ZNF609: variants seen among roughly 807,000 people sequenced by gnomAD.
ZNF609 encodes the protein zinc finger protein 609.
In ZNF609, 11 loss-of-function variants were observed where a neutral mutation model predicts 109.5. That is an observed-to-expected ratio of 0.10 (90% CI 0.06 to 0.17). The LOEUF (loss-of-function observed/expected upper bound fraction) is 0.17, where lower values mean the gene tolerates loss of function less well. ZNF609 is among the 10% of genes least tolerant of loss of function. ZNF609 has a pLI of 1.00. For missense variants in ZNF609, 1,559 were observed against 1,772.4 expected (o/e 0.88, Z 2.16); for synonymous variants, 646 against 662.0 (o/e 0.98, Z 0.37).
intron 3 of ZNF609, among the ~76,000 whole-genome samples, chr15:64,652,487 G>T (rs1259463832): frequency 6.6e-6 from 1 of 150,708 alleles, no homozygotes; most frequent in Admixed American, 6.7e-5. Flanking sequence ...CCCAGGCTCA[G>T]CCATTCTCCC....
chr15:64,497,051 G>C (rs1893491824), intron 1 of ZNF609, among the ~76,000 whole-genome samples: 2 of 152,212 alleles, frequency 1.3e-5, no homozygotes, highest in Non-Finnish European at 2.9e-5. Context: ...CTGGGCTCAA[G>C]TGATTCTCCC....
At chr15:64,504,269 A>C (rs975955315) in intron 2 of ZNF609, among the ~76,000 whole-genome samples, 1 of 152,200 alleles carries the variant, frequency 6.6e-6, no homozygotes, top group Non-Finnish European at 1.5e-5. Context: ...CCAGAGAAAG[A>C]TTATCTTGTC....
intron 1 of ZNF609, among the ~76,000 whole-genome samples, chr15:64,468,788 T>G (rs1052440361): frequency 6.6e-6 from 1 of 152,168 alleles, no homozygotes; most frequent in Non-Finnish European, 1.5e-5. Flanking sequence ...TTCTGATCAT[T>G]ACTGTGCCTC....
intron 2 of ZNF609, among the ~76,000 whole-genome samples, chr15:64,608,803 A>G (rs1439593611): frequency 6.6e-6 from 1 of 151,830 alleles, no homozygotes; most frequent in Non-Finnish European, 1.5e-5. Context: ...CAGTGGCATG[A>G]TCATGGCTTA....
chr15:64,673,934 C>A lies in ZNF609; in HGVS notation c.1080C>A (p.Thr360=), dbSNP rs1032128516. The A allele has an allele frequency of 6.2e-7, 1 of 1,612,124 alleles. No homozygotes were observed. Among genetic ancestry groups the A allele is most frequent in the Non-Finnish European group, 8.5e-7 (1 of 1,178,378 alleles). Residue 360 remains threonine (T), a synonymous_variant, in exon 5 of 10, where the codon ACC becomes ACA. Transcript: ENST00000326648. ...WAPPRFCDSP[T]SDLEMRNGRG... ...TGCCAAGGTTCTGTGACTCCCCGAC[C>A]AGTGACCTGGAAATGCGCAATGGCC...
chr15:64,541,203 G>A (rs1393765644), intron 2 of ZNF609, among the ~76,000 whole-genome samples: 4 of 150,318 alleles, frequency 2.7e-5, no homozygotes, highest in East Asian at 4.0e-4. Context: ...TGAGGCCGGC[G>A]GATCACGAGG....
intron 2 of ZNF609, among the ~76,000 whole-genome samples, chr15:64,573,836 C>T (rs1222124557): frequency 6.6e-6 from 1 of 152,060 alleles, no homozygotes; most frequent in Non-Finnish European, 1.5e-5. Context: ...TTTTTCCTTG[C>T]AACCCCAAAT....
At chr15:64,658,528 A>G (rs1311895947) in intron 3 of ZNF609, among the ~76,000 whole-genome samples, 3 of 152,012 alleles carry the variant, frequency 2.0e-5, no homozygotes, top group Admixed American at 1.3e-4. Flanking sequence ...GCCACATACC[A>G]TGGCTCACAC....
chr15:64,631,201 G>GCTT, intron 3 of ZNF609: 2 of 623,330 alleles, frequency 3.2e-6, no homozygotes, highest in Non-Finnish European at 6.1e-6. Flanking sequence ...AGAGGCTGCT[G>GCTT]CTTCAGGTGA....
intron 2 of ZNF609, among the ~76,000 whole-genome samples, chr15:64,596,339 A>C (rs1163375650): frequency 3.3e-5 from 5 of 152,110 alleles, no homozygotes; most frequent in Non-Finnish European, 5.9e-5. Flanking sequence ...TATTTTTAGC[A>C]GAGATGGGGT....
chr15:64,523,329 G>A (rs1893920568), intron 2 of ZNF609, among the ~76,000 whole-genome samples: 1 of 152,150 alleles, frequency 6.6e-6, no homozygotes, highest in Non-Finnish European at 1.5e-5. Flanking sequence ...TCCAATTAAA[G>A]TAATTATGCT....
chr15:64,644,702 T>C (rs1390035717), intron 3 of ZNF609, among the ~76,000 whole-genome samples: 1 of 152,184 alleles, frequency 6.6e-6, no homozygotes, highest in African/African-American at 2.4e-5. Context: ...CCAAAGTGGA[T>C]ACTATCCAAG....
chr15:64,654,988 C>G (rs542389955), intron 3 of ZNF609, among the ~76,000 whole-genome samples: 4 of 151,272 alleles, frequency 2.6e-5, no homozygotes, highest in Non-Finnish European at 5.9e-5. Context: ...CCCAGCTACT[C>G]GGGAGGTTGA....
intron 2 of ZNF609, among the ~76,000 whole-genome samples, chr15:64,508,478 C>T (rs1893667166): frequency 6.6e-6 from 1 of 152,006 alleles, no homozygotes; most frequent in Admixed American, 6.6e-5. Flanking sequence ...TGTTTTAAAC[C>T]CTAAGTGTCT....
intron 2 of ZNF609, among the ~76,000 whole-genome samples, chr15:64,539,720 T>G (rs1043993493): frequency 6.6e-6 from 1 of 151,934 alleles, no homozygotes; most frequent in Non-Finnish European, 1.5e-5. Context: ...TCCAGGCTGG[T>G]CTCGAACTCC....
Position 64,589,975 on chromosome 15 carries a change from A to C in ZNF609, c.748-32852A>C, listed in dbSNP as rs763610747. Among the ~76,000 whole-genome samples the C allele has an allele frequency of 4.2e-4, 64 of 152,222 alleles. 1 individual carries two copies. Among genetic ancestry groups the C allele is most frequent in the Admixed American group, 7.9e-4 (12 of 15,272 alleles). ...AAAATTAGATGTGGTATGGTTGATC[A>C]TACTTGTTGTGATTAAAGCTAAAAC... On this transcript the variant is annotated intron_variant, in intron 2 of 9. Transcript: ENST00000326648.
In ZNF609 at chr15:64,619,119, G is replaced by A. The variant is rs183471549; in HGVS notation, c.748-3708G>A. 3.3e-5 allele frequency among the ~76,000 whole-genome samples: 5 copies of A among 152,278 alleles called. No homozygotes were observed. In the East Asian group the frequency reaches 9.6e-4, roughly 29 times the overall value. ...CTCAGCGTCCCAAGTAGCTAGGACT[G>A]CAGGTGTGTGCCAACACACCCAGCT... is the stretch of plus-strand genomic sequence containing the variant. On this transcript the variant is annotated intron_variant, in intron 2 of 9. Transcript: ENST00000326648.
At chr15:64,670,526 C>G in intron 4 of ZNF609, 93 bp downstream of exon 4, 3 of 1,057,686 alleles carry the variant, frequency 2.8e-6, no homozygotes, top group South Asian at 1.3e-5. Context: ...GTACATCCAG[C>G]TTTTAAAGGA....
At chr15:64,519,316 C>G (rs2140363269) in intron 2 of ZNF609, among the ~76,000 whole-genome samples, 1 of 152,116 alleles carries the variant, frequency 6.6e-6, no homozygotes, top group Middle Eastern at 3.4e-3. Context: ...AATGTGAACA[C>G]ATAAATGGTA....
Sources: gnomAD v4.1 joint callset for allele counts (sites outside exome capture counted in the v4.1 genomes callset) on GRCh38, gnomAD v4.1.1 for gene constraint, MANE v1.5 for transcripts, NCBI Gene and HGNC (gene_info 2026-07-23, HGNC 2026-07-21) for gene names.